Variants in DCDC1 observed in about 807,000 individuals in gnomAD.
DCDC1 encodes the protein doublecortin domain containing 1.
In DCDC1, 200 loss-of-function variants were observed where a neutral mutation model predicts 178.3. The observed-to-expected ratio is 1.12, with a 90% CI of 1.00 to 1.26. The LOEUF is 1.26. DCDC1 is among the 50% of genes most tolerant of loss of function. The probability of loss-of-function intolerance (pLI) is 0.00; values close to 1 mark genes in which losing one functional copy is unlikely to be tolerated. For synonymous variants in DCDC1, 690 were observed against 604.8 expected, an observed-to-expected ratio of 1.14 and a Z score of -2.07; for missense variants, 1,983 against 1,749.2, an observed-to-expected ratio of 1.13 and a Z score of -2.38.
At position 31,213,067 on chromosome 11, in the gene DCDC1, G is replaced by C. The variant is rs139266446; in HGVS notation, c.1221+28383C>G. On this transcript the variant is annotated intron_variant, in intron 9 of 38. Transcript: ENST00000684477. ...GATCCAGACATAGACATGTGCATTGGTGAAACTGTGTCATCTTCTATATAA... is the reference window on the plus strand; with the variant it reads ...GATCCAGACATAGACATGTGCATTGCTGAAACTGTGTCATCTTCTATATAA... Among the ~76,000 whole-genome samples, 168 of 144,602 alleles carry C rather than the reference G, an allele frequency of 1.2e-3. 1 individual carries two copies. The highest frequency in any genetic ancestry group is 4.2e-3 in the African/African-American group (163 of 38,712). 94.9% of individuals were successfully genotyped at this position (144,602 alleles called of 152,430 possible). A position where few individuals can be genotyped will look rare whatever the true frequency, so the allele number is the denominator to read the frequency against.
At chr11:31,176,839 A>C (rs1968101267) in intron 9 of DCDC1, among the ~76,000 whole-genome samples, 1 of 152,202 alleles carries the variant, frequency 6.6e-6, no homozygotes. Context: ...AGGAACTTCC[A>C]AGACAGGCAA....
intron 6 of DCDC1, among the ~76,000 whole-genome samples, chr11:31,298,538 A>G (rs1055968394): frequency 4.6e-5 from 7 of 152,174 alleles, no homozygotes; most frequent in Admixed American, 1.3e-4. Context: ...GACTGTTCAT[A>G]TACTCTCCCA....
chr11:31,174,394 C>T (rs1967695962), intron 9 of DCDC1, among the ~76,000 whole-genome samples: 1 of 152,232 alleles, frequency 6.6e-6, no homozygotes, highest in Non-Finnish European at 1.5e-5. Context: ...CCCCTCTGGA[C>T]TTTGGGCACC....
chr11:30,952,224 C>A (rs1948467724), intron 21 of DCDC1, among the ~76,000 whole-genome samples: 1 of 152,028 alleles, frequency 6.6e-6, no homozygotes, highest in Admixed American at 6.6e-5. Context: ...ATATATGAAG[C>A]AATATTTGAC....
At chr11:31,232,174 T>C (rs1448004613) in intron 9 of DCDC1, among the ~76,000 whole-genome samples, 1 of 152,226 alleles carries the variant, frequency 6.6e-6, no homozygotes, top group Non-Finnish European at 1.5e-5. Context: ...CATTTTGAAA[T>C]ATCTGTCCCA....
intron 20 of DCDC1, among the ~76,000 whole-genome samples, chr11:31,056,335 G>T (rs2135437914): frequency 6.6e-6 from 1 of 152,144 alleles, no homozygotes; most frequent in Non-Finnish European, 1.5e-5. Flanking sequence ...TAACATGTTA[G>T]ATTTAAACTC....
At chr11:31,140,744 G>A (rs944023272) in intron 9 of DCDC1, among the ~76,000 whole-genome samples, 8 of 152,096 alleles carry the variant, frequency 5.3e-5, no homozygotes, top group Admixed American at 4.6e-4. Context: ...ACATTAAGCA[G>A]TTAGTTTAGA....
At chr11:30,972,034 A>G (rs1245589070) in intron 20 of DCDC1, among the ~76,000 whole-genome samples, 1 of 152,246 alleles carries the variant, frequency 6.6e-6, no homozygotes, top group Non-Finnish European at 1.5e-5. Context: ...GGAGGCAAAT[A>G]GAAAACAAAA....
At chr11:31,076,621 G>A (rs943930912) in intron 18 of DCDC1, among the ~76,000 whole-genome samples, 2 of 152,120 alleles carry the variant, frequency 1.3e-5, no homozygotes, top group Non-Finnish European at 2.9e-5. Flanking sequence ...TAGAATTACA[G>A]GTATGAGTCA....
intron 20 of DCDC1, among the ~76,000 whole-genome samples, chr11:30,968,702 T>C (rs997039424): frequency 4.3e-4 from 45 of 105,006 alleles, no homozygotes; most frequent in African/African-American, 1.6e-3. Flanking sequence ...AAATTATATA[T>C]ATATCAAATT....
chr11:31,099,505 T>C (rs533716150), intron 15 of DCDC1, among the ~76,000 whole-genome samples: 2 of 152,310 alleles, frequency 1.3e-5, no homozygotes, highest in Admixed American at 6.5e-5. Flanking sequence ...TGATGTAGCC[T>C]GAAATATGCT....
Position 30,921,987 on chromosome 11 carries a change from A to T in DCDC1, c.3133+516T>A, listed in dbSNP as rs150844685. On this transcript the variant is annotated intron_variant, in intron 24 of 38. Transcript: ENST00000684477. ...AGTCAGGCTCCAGAGGGCCACAGGAAGCAGAGAGAAGGCTGAATCAGGGAG... is the reference window on the plus strand; with the variant it reads ...AGTCAGGCTCCAGAGGGCCACAGGATGCAGAGAGAAGGCTGAATCAGGGAG... Among the ~76,000 whole-genome samples the T allele has an allele frequency of 3.0e-4, 45 of 152,270 alleles. No individual in the cohort carries two copies. The East Asian group carries it at 8.1e-3, about 27-fold the overall frequency.
chr11:31,000,471 C>T (rs542077034), intron 20 of DCDC1, among the ~76,000 whole-genome samples: 15 of 152,180 alleles, frequency 9.9e-5, no homozygotes, highest in African/African-American at 2.9e-4. Flanking sequence ...AATTTCAGAG[C>T]CCTTTTCTGT....
intron 1 of DCDC1, among the ~76,000 whole-genome samples, chr11:31,363,055 G>A (rs1951789498): frequency 6.6e-6 from 1 of 152,084 alleles, no homozygotes; most frequent in Non-Finnish European, 1.5e-5. Context: ...TGTTGAAGTT[G>A]TAATGCTTAA....
In DCDC1 at chr11:30,903,593, C is replaced by T. The variant is rs1565051366; in HGVS notation, c.4399G>A (p.Asp1467Asn). ...TCATCTAGAGCCCATAAAACCAAATCACGCAAGGTAAAGATTGGGGTTCCA... is the reference window on the plus strand; with the variant it reads ...TCATCTAGAGCCCATAAAACCAAATTACGCAAGGTAAAGATTGGGGTTCCA... ...KDGTPIFTLRDLVLWALDESF... is the reference protein window; with the variant it reads ...KDGTPIFTLRNLVLWALDESF... The change falls in exon 32 of 39, where the codon GAT (aspartate) becomes AAT (asparagine). Residue 1467 changes from aspartate to asparagine, a missense_variant. By Grantham distance (23) the Asp-to-Asn change is conservative. Transcript: ENST00000684477. The T allele has an allele frequency of 6.2e-7, 1 of 1,610,570 alleles. No homozygotes were observed. The highest frequency in any genetic ancestry group is 2.2e-5 in the East Asian group (1 of 44,800).
intron 1 of DCDC1, among the ~76,000 whole-genome samples, chr11:31,346,325 A>G (rs1402750378): frequency 6.6e-6 from 1 of 151,900 alleles, no homozygotes; most frequent in African/African-American, 2.4e-5. Context: ...TTAGCCCGGC[A>G]TGGTGGCACA....
At chr11:31,192,007 G>C (rs978564065) in intron 9 of DCDC1, among the ~76,000 whole-genome samples, 1 of 152,002 alleles carries the variant, frequency 6.6e-6, no homozygotes, top group African/African-American at 2.4e-5. Context: ...TCCCTACTTG[G>C]ATAAATGGCA....
Position 30,905,810 on chromosome 11 carries a change from C to T in DCDC1, c.4105-646G>A, listed in dbSNP as rs575113280. On this transcript the variant is annotated intron_variant, in intron 30 of 38. Coordinates refer to ENST00000684477, the MANE Select transcript of DCDC1 (RefSeq NM_001387274.1). ...GACTGACTTCCTTTCTCCTTCAGAG[C>T]TATTGCTTCTGTTGATGTTTTTTGT... Among the ~76,000 whole-genome samples the T allele has an allele frequency of 3.3e-5, 5 of 152,308 alleles. No individual in the cohort carries two copies. In the East Asian group the frequency reaches 7.7e-4, roughly 24 times the overall value.
chr11:31,062,309 T>C (rs532957842), intron 20 of DCDC1, among the ~76,000 whole-genome samples: 2 of 152,248 alleles, frequency 1.3e-5, no homozygotes, highest in South Asian at 2.1e-4. Context: ...AACAGCCTCA[T>C]AGAGCGGTAT....
Sources: gnomAD v4.1 joint callset for allele counts (sites outside exome capture counted in the v4.1 genomes callset) on GRCh38, gnomAD v4.1.1 for gene constraint, MANE v1.5 for transcripts, NCBI Gene and HGNC (gene_info 2026-07-23, HGNC 2026-07-21) for gene names.